CDH9: variants seen among roughly 807,000 people sequenced by gnomAD.
CDH9 encodes cadherin-9.
Under a neutral mutation model 70.9 loss-of-function variants are expected in CDH9, and 28 were observed. The ratio of observed to expected loss-of-function variants is 0.40; its 90% CI spans 0.29 to 0.54. The LOEUF (loss-of-function observed/expected upper bound fraction) is 0.54, where lower values mean the gene tolerates loss of function less well. CDH9 is among the 20% of genes least tolerant of loss of function. The pLI is 0.59. For missense variants in CDH9, 874 were observed against 984.4 expected, an observed-to-expected ratio of 0.89 and a Z score of 1.50; for synonymous variants, 409 against 343.1, an observed-to-expected ratio of 1.19 and a Z score of -2.12.
intron 2 of CDH9, among the ~76,000 whole-genome samples, chr5:26,963,734 T>TA (rs1359190468): frequency 1.3e-5 from 2 of 151,878 alleles, no homozygotes; most frequent in African/African-American, 4.8e-5. Flanking sequence ...TGGCCTTCTT[T>TA]AAAAAAAAAG....
intron 9 of CDH9, among the ~76,000 whole-genome samples, chr5:26,887,286 C>G (rs912196324): frequency 6.6e-6 from 1 of 151,648 alleles, no homozygotes; most frequent in African/African-American, 2.4e-5. Context: ...AATAACAAAT[C>G]TAACTTTTAG....
At chr5:26,979,093 A>G (rs568669577) in intron 2 of CDH9, among the ~76,000 whole-genome samples, 1 of 151,720 alleles carries the variant, frequency 6.6e-6, no homozygotes, top group South Asian at 2.1e-4. Context: ...ATTTATATAA[A>G]TTAATAGAAA....
intron 2 of CDH9, among the ~76,000 whole-genome samples, chr5:26,938,450 G>C (rs1392574562): frequency 6.6e-6 from 1 of 151,824 alleles, no homozygotes; most frequent in African/African-American, 2.4e-5. Flanking sequence ...GAAATCTCAG[G>C]ATAGGATACT....
intron 1 of CDH9, among the ~76,000 whole-genome samples, chr5:27,037,854 C>T (rs1743420764): frequency 6.6e-6 from 1 of 151,882 alleles, no homozygotes; most frequent in Non-Finnish European, 1.5e-5. Flanking sequence ...GAGTGGGAGC[C>T]ACAAATACGT....
intron 2 of CDH9, among the ~76,000 whole-genome samples, chr5:26,983,336 G>C (rs1211505584): frequency 2.0e-5 from 3 of 152,202 alleles, no homozygotes; most frequent in South Asian, 2.1e-4. Flanking sequence ...ATTTTCTAGA[G>C]GTATTTTTGT....
At chr5:26,936,325 A>G (rs1741558206) in intron 2 of CDH9, among the ~76,000 whole-genome samples, 1 of 152,150 alleles carries the variant, frequency 6.6e-6, no homozygotes, top group East Asian at 1.9e-4. Flanking sequence ...AGACAAAATT[A>G]TCTACATTAA....
At chr5:26,890,072 G>T in intron 8 of CDH9, 115 bp from the exon 9 acceptor site, 1 of 885,426 alleles carries the variant, frequency 1.1e-6, no homozygotes, top group Non-Finnish European at 1.8e-6. Context: ...TTCTCAATTG[G>T]GCTGCTGATG....
At chr5:26,981,245 C>T (rs1197001125) in intron 2 of CDH9, among the ~76,000 whole-genome samples, 2 of 152,056 alleles carry the variant, frequency 1.3e-5, no homozygotes, top group African/African-American at 4.8e-5. Flanking sequence ...GGAATCCCTG[C>T]AGATACCAAA....
chr5:26,885,105 G>A (rs1193295603), intron 11 of CDH9, among the ~76,000 whole-genome samples: 3 of 152,230 alleles, frequency 2.0e-5, no homozygotes, highest in Middle Eastern at 3.4e-3. Flanking sequence ...TTCAGAATAT[G>A]TTAGTAACTG....
intron 2 of CDH9, among the ~76,000 whole-genome samples, chr5:26,925,104 C>G (rs1741313583): frequency 6.6e-6 from 1 of 152,114 alleles, no homozygotes; most frequent in African/African-American, 2.4e-5. Flanking sequence ...ATTTCCAGTT[C>G]TAGATCGTTG....
chr5:26,977,685 A>G (rs1045571506), intron 2 of CDH9, among the ~76,000 whole-genome samples: 2 of 152,032 alleles, frequency 1.3e-5, no homozygotes, highest in African/African-American at 4.8e-5. Flanking sequence ...TTAACAATTG[A>G]AAGGAGAAAG....
intron 2 of CDH9, among the ~76,000 whole-genome samples, chr5:26,929,485 A>T (rs1342188251): frequency 1.3e-5 from 2 of 151,956 alleles, no homozygotes; most frequent in Middle Eastern, 3.2e-3. Context: ...AATCCCACAG[A>T]TACATACATA....
At chr5:26,939,921 G>A (rs762071388) in intron 2 of CDH9, among the ~76,000 whole-genome samples, 1 of 151,960 alleles carries the variant, frequency 6.6e-6, no homozygotes, top group East Asian at 1.9e-4. Context: ...AGGCTGAGGC[G>A]ACTGGATCAC....
At chr5:26,928,364 AG>A (rs1298385552) in intron 2 of CDH9, among the ~76,000 whole-genome samples, 2 of 152,086 alleles carry the variant, frequency 1.3e-5, no homozygotes, top group Non-Finnish European at 2.9e-5. Flanking sequence ...TAAAATAGAA[AG>A]AATTTTATGT....
chr5:27,036,692 G>T (rs1324059646), intron 1 of CDH9, among the ~76,000 whole-genome samples: 1 of 151,498 alleles, frequency 6.6e-6, no homozygotes, highest in Non-Finnish European at 1.5e-5. Flanking sequence ...TTTATTTCCA[G>T]AATTGGATTT....
Position 26,890,483 on chromosome 5 carries a change from G to T in CDH9, c.1335C>A (p.Ala445=). 6.2e-7 allele frequency: 1 copy of T among 1,612,476 alleles called. No homozygotes were observed. Among genetic ancestry groups the T allele is most frequent in the African/African-American group, 1.3e-5 (1 of 74,960 alleles). ...GCCAAGGAGATGATTCCCGGTCAAG[G>T]GCTTTCAAAGTGAAAATAGAACCAT... The part of the protein sequence containing the change: ...SENGSIFTLK[A]LDRESSPWHN... The change falls in exon 8 of 12, where the codon GCC becomes GCA. Residue 445 remains alanine (A), a synonymous_variant. Transcript: ENST00000231021.
chr5:26,936,220 C>G (rs1380526569), intron 2 of CDH9, among the ~76,000 whole-genome samples: 1 of 151,960 alleles, frequency 6.6e-6, no homozygotes, highest in African/African-American at 2.4e-5. Context: ...TAGCCAAAAC[C>G]GCCTGTATCC....
Position 26,903,778 on chromosome 5 carries a change from A to C in CDH9, c.858T>G (p.His286Gln). 2 of 1,606,856 alleles carry C rather than the reference A, an allele frequency of 1.2e-6. No homozygotes were observed. Among genetic ancestry groups the C allele is most frequent in the African/African-American group, 2.7e-5 (2 of 74,710 alleles). ...GGTCATTGGCTTTTATCCTTCCAAG[A>C]TGAGTTCCAAGAGGTACAGACTCAG... Reference protein sequence around the residue: ...NSPESVPLGTHLGRIKANDPD... With the variant: ...NSPESVPLGTQLGRIKANDPD... The change falls in exon 6 of 12, where the codon CAT (histidine) becomes CAG (glutamine). Residue 286 changes from histidine (H) to glutamine (Q), a missense_variant. Coordinates refer to ENST00000231021, the MANE Select transcript of CDH9 (RefSeq NM_016279.4).
At chr5:26,942,780 C>G (rs533837688) in intron 2 of CDH9, among the ~76,000 whole-genome samples, 2 of 152,188 alleles carry the variant, frequency 1.3e-5, no homozygotes, top group Admixed American at 1.3e-4. Flanking sequence ...GGCTACATAA[C>G]CTCACATAAA....
Sources: gnomAD v4.1 joint callset for allele counts (sites outside exome capture counted in the v4.1 genomes callset) on GRCh38, gnomAD v4.1.1 for gene constraint, MANE v1.5 for transcripts, NCBI Gene and HGNC (gene_info 2026-07-23, HGNC 2026-07-21) for gene names.